NAALADL2: variants seen among roughly 807,000 people sequenced by gnomAD.
The protein encoded by NAALADL2 is N-acetylated alpha-linked acidic dipeptidase like 2.
A neutral mutation model predicts 87.2 loss-of-function variants in NAALADL2; 76 were observed. The ratio of observed to expected loss-of-function variants is 0.87; its 90% CI spans 0.72 to 1.05. The LOEUF (loss-of-function observed/expected upper bound fraction) is 1.05. NAALADL2 is among the 50% of genes least tolerant of loss of function. The pLI is 0.00. For missense variants in NAALADL2, 1,089 were observed against 945.8 expected, an observed-to-expected ratio of 1.15 and a Z score of -1.99; for synonymous variants, 354 against 331.0, an observed-to-expected ratio of 1.07 and a Z score of -0.75.
intron 5 of NAALADL2, among the ~76,000 whole-genome samples, chr3:175,399,880 G>A (rs1031452091): frequency 6.6e-6 from 1 of 152,028 alleles, no homozygotes; most frequent in African/African-American, 2.4e-5. Flanking sequence ...TCCTTTTGGT[G>A]TATCTGTTCA....
chr3:175,650,720 T>A (rs1279890781), intron 11 of NAALADL2, among the ~76,000 whole-genome samples: 1 of 152,186 alleles, frequency 6.6e-6, no homozygotes, highest in African/African-American at 2.4e-5. Context: ...GAGGATGTTT[T>A]CTCATTCATC....
intron 9 of NAALADL2, among the ~76,000 whole-genome samples, chr3:175,495,708 A>G (rs982536766): frequency 1.3e-5 from 2 of 151,784 alleles, no homozygotes; most frequent in African/African-American, 2.4e-5. Context: ...CCCATGTTCT[A>G]TCTCTTCTAT....
At chr3:175,169,742 A>T (rs566173174) in intron 2 of NAALADL2, among the ~76,000 whole-genome samples, 1 of 151,908 alleles carries the variant, frequency 6.6e-6, no homozygotes, top group South Asian at 2.1e-4. Context: ...ATATAGGTTC[A>T]ACCAGACTTT....
chr3:175,540,502 C>A (rs143135609), intron 9 of NAALADL2, among the ~76,000 whole-genome samples: 62 of 152,106 alleles, frequency 4.1e-4, no homozygotes, highest in African/African-American at 1.4e-3. Context: ...CCATGAGAAG[C>A]CATTGTAGGG....
rs988602187 is a variant in NAALADL2, at chr3:175,069,662, G to C, written c.44-27128G>C. On this transcript the variant is annotated intron_variant, in intron 1 of 13. Coordinates refer to ENST00000454872, the MANE Select transcript of NAALADL2 (RefSeq NM_207015.3). ...TTTGACCCAGCCATCCCATTACTGG[G>C]TATATACCCAAAGGACTATAAATCA... 6.3e-4 allele frequency among the ~76,000 whole-genome samples: 96 copies of C among 151,720 alleles called. 1 individual carries two copies. Among genetic ancestry groups the C allele is most frequent in the Middle Eastern group, 3.4e-3 (1 of 294 alleles).
intron 2 of NAALADL2, among the ~76,000 whole-genome samples, chr3:174,575,297 G>A (rs1715399900): frequency 6.6e-6 from 1 of 152,148 alleles, no homozygotes; most frequent in African/African-American, 2.4e-5. Context: ...AATTATGACA[G>A]CAGTAAACAC....
rs374878451 is a variant in NAALADL2 at position 174,828,337 on chromosome 3, A to G, written c.-9+90591A>G. ...GATTAATATCAGTATCATTGGTCCT[A>G]TGAAGGTGTCTGCGAGTTAGAGAAC... On this transcript the variant is annotated intron_variant, in intron 3 of 3. Transcript: ENST00000434257. 5.9e-5 allele frequency among the ~76,000 whole-genome samples: 9 copies of G among 152,320 alleles called. No individual in the cohort carries two copies. In the East Asian group the frequency reaches 1.5e-3, roughly 26 times the overall value.
intron 1 of NAALADL2, among the ~76,000 whole-genome samples, chr3:174,544,797 C>T (rs1489057939): frequency 2.0e-5 from 3 of 151,872 alleles, no homozygotes; most frequent in Non-Finnish European, 4.4e-5. Flanking sequence ...TCTCGATCTC[C>T]TGACATTCTT....
In NAALADL2 at chr3:175,805,932, C is replaced by CAATT. The variant is rs1754666361; in HGVS notation, c.*2731_*2734dup. ...TGCCTTCAGCCAGAGAAGGCATTAT[C>CAATT]AATTACCCCCACCAGATATAGTAAC... On this transcript the variant is annotated 3_prime_UTR_variant, in exon 14 of 14. Transcript: ENST00000454872. The CAATT allele has an allele frequency of 6.6e-6, 1 of 151,852 alleles. No individual in the cohort carries two copies. Among genetic ancestry groups the CAATT allele is most frequent in the African/African-American group, 2.4e-5 (1 of 41,366 alleles). The allele number at this position is 151,852 out of a possible 1,614,324, so 9.4% of individuals were successfully genotyped here. A position where few individuals can be genotyped will look rare whatever the true frequency, so the allele number is the denominator to read the frequency against.
At chr3:175,783,177 T>A (rs1335117499) in intron 13 of NAALADL2, among the ~76,000 whole-genome samples, 3 of 152,242 alleles carry the variant, frequency 2.0e-5, no homozygotes, top group African/African-American at 7.2e-5. Flanking sequence ...TAGGACTGAC[T>A]TGGTGATGCA....
intron 1 of NAALADL2, among the ~76,000 whole-genome samples, chr3:174,510,191 G>C (rs1719509129): frequency 6.6e-6 from 1 of 152,018 alleles, no homozygotes; most frequent in Admixed American, 6.5e-5. Flanking sequence ...CTGATTTGTA[G>C]TTTTCCTTTC....
chr3:175,696,663 T>C (rs1167360591), intron 11 of NAALADL2, among the ~76,000 whole-genome samples: 1 of 152,112 alleles, frequency 6.6e-6, no homozygotes, highest in Non-Finnish European at 1.5e-5. Context: ...AAAAGATTCT[T>C]GGTTCAAGAC....
In NAALADL2 at chr3:175,809,572, C is replaced by T. The variant is rs1343965990; in HGVS notation, c.*6369C>T. On this transcript the variant is annotated 3_prime_UTR_variant, in exon 14 of 14. Transcript: ENST00000454872. ...AAAAGTAGCTAGGCATGTTGGTGTG[C>T]ACCTTTGTAGTCCAGCTACTAGGGA... is the stretch of plus-strand genomic sequence containing the variant. The T allele has an allele frequency of 6.9e-6, 1 of 144,422 alleles. No homozygotes were observed. The highest frequency in any genetic ancestry group is 7.0e-5 in the Admixed American group (1 of 14,188). The allele number at this position is 144,422 out of a possible 1,614,324, so 8.9% of individuals were successfully genotyped here. A position where few individuals can be genotyped will look rare whatever the true frequency, so the allele number is the denominator to read the frequency against.
chr3:174,577,077 T>C (rs1715612141), intron 2 of NAALADL2, among the ~76,000 whole-genome samples: 2 of 152,136 alleles, frequency 1.3e-5, no homozygotes, highest in African/African-American at 2.4e-5. Context: ...CTTAAGTTCC[T>C]CTTGGTGACT....
chr3:174,983,500 C>T (rs567572782), intron 1 of NAALADL2, among the ~76,000 whole-genome samples: 1 of 152,230 alleles, frequency 6.6e-6, no homozygotes, highest in East Asian at 1.9e-4. Flanking sequence ...AAATATATTT[C>T]TCATAGTTCT....
At chr3:174,816,677 T>C (rs2109315125) in intron 3 of NAALADL2, among the ~76,000 whole-genome samples, 1 of 152,180 alleles carries the variant, frequency 6.6e-6, no homozygotes, top group Middle Eastern at 3.4e-3. Context: ...TAGCAGCAGA[T>C]TGTTAATTCT....
At chr3:175,792,084 GTTGT>G (rs1361216527) in intron 13 of NAALADL2, among the ~76,000 whole-genome samples, 4 of 152,154 alleles carry the variant, frequency 2.6e-5, no homozygotes, top group Admixed American at 2.0e-4. Context: ...TGTGTAATAT[GTTGT>G]TTGTTTTTGT....
intron 11 of NAALADL2, among the ~76,000 whole-genome samples, chr3:175,687,152 T>C (rs931732768): frequency 1.3e-5 from 2 of 152,190 alleles, no homozygotes; most frequent in African/African-American, 4.8e-5. Context: ...CAAATTTGAC[T>C]TTAAACTCAA....
At chr3:174,706,014 C>T (rs1050877413) in intron 2 of NAALADL2, among the ~76,000 whole-genome samples, 5 of 152,142 alleles carry the variant, frequency 3.3e-5, no homozygotes, top group Non-Finnish European at 7.3e-5. Context: ...TATAATTTCT[C>T]TCTACGTGAT....
Sources: gnomAD v4.1 joint callset for allele counts (sites outside exome capture counted in the v4.1 genomes callset) on GRCh38, gnomAD v4.1.1 for gene constraint, MANE v1.5 for transcripts, NCBI Gene and HGNC (gene_info 2026-07-23, HGNC 2026-07-21) for gene names.